Variants in COLEC10 observed in about 807,000 individuals in gnomAD.
The protein encoded by COLEC10 is collectin-10.
COLEC10 carries 22 observed loss-of-function variants against 28.4 expected under a neutral mutation model. The observed-to-expected ratio is 0.78, with a 90% CI of 0.55 to 1.11. The LOEUF is 1.11. Ranked by LOEUF, COLEC10 falls within the 50% of genes least tolerant of loss-of-function variation. The pLI, the probability that COLEC10 is intolerant of heterozygous loss-of-function variation, is 0.00. For missense variants in COLEC10, 361 were observed against 344.1 expected (o/e 1.05, Z -0.39); for synonymous variants, 125 against 116.1 (o/e 1.08, Z -0.49).
the COLEC10 span, among the ~76,000 whole-genome samples, chr8:118,961,025 T>G: frequency 6.6e-6 from 1 of 152,306 alleles, no homozygotes; most frequent in Middle Eastern, 3.4e-3. Context: ...GTAGGCATTA[T>G]CAACTTATAT....
At chr8:119,039,223 C>T (rs1469231975) in intron 2 of COLEC10, among the ~76,000 whole-genome samples, 2 of 152,056 alleles carry the variant, frequency 1.3e-5, no homozygotes, top group Non-Finnish European at 2.9e-5. Context: ...GCTTCAATTC[C>T]CAATCCCACC....
chr8:119,070,312 A>G (rs1815076810), intron 1 of COLEC10, among the ~76,000 whole-genome samples: 1 of 152,102 alleles, frequency 6.6e-6, no homozygotes, highest in Admixed American at 6.6e-5. Flanking sequence ...TTCTCTCCCT[A>G]TCTAAGTCTG....
At chr8:118,955,708 G>T in the COLEC10 span, among the ~76,000 whole-genome samples, 1 of 152,204 alleles carries the variant, frequency 6.6e-6, no homozygotes, top group Non-Finnish European at 1.5e-5. Context: ...GAGCCTTTGG[G>T]CAAGGAGGAC....
At chr8:119,023,084 C>G (rs1380993974) in intron 2 of COLEC10, among the ~76,000 whole-genome samples, 1 of 152,104 alleles carries the variant, frequency 6.6e-6, no homozygotes, top group African/African-American at 2.4e-5. Context: ...CAAGCCTTTG[C>G]TTAAATATTA....
chr8:118,985,842 A>T, the COLEC10 span, among the ~76,000 whole-genome samples: 227 of 152,190 alleles, frequency 1.5e-3, 3 homozygotes, highest in East Asian at 0.037. Context: ...GTGGTAAATA[A>T]GATTGTCAGG....
At chr8:118,955,290 ATG>A in the COLEC10 span, among the ~76,000 whole-genome samples, 2 of 152,200 alleles carry the variant, frequency 1.3e-5, no homozygotes, top group African/African-American at 4.8e-5. Context: ...TAAAATGTAT[ATG>A]TGGGTATGTC....
intron 2 of COLEC10, among the ~76,000 whole-genome samples, chr8:119,039,601 TA>T (rs1406155345): frequency 6.6e-6 from 1 of 152,178 alleles, no homozygotes; most frequent in Non-Finnish European, 1.5e-5. Flanking sequence ...AATTACCATA[TA>T]ATGGCAACAA....
intron 2 of COLEC10, among the ~76,000 whole-genome samples, chr8:119,052,921 G>A (rs1388689072): frequency 1.3e-5 from 2 of 152,042 alleles, no homozygotes; most frequent in African/African-American, 2.4e-5. Flanking sequence ...AAAGAGAGCC[G>A]GAGAGGAAGG....
At chr8:119,048,827 C>T (rs915928443) in intron 2 of COLEC10, among the ~76,000 whole-genome samples, 1 of 152,012 alleles carries the variant, frequency 6.6e-6, no homozygotes, top group Non-Finnish European at 1.5e-5. Flanking sequence ...GGGCATTTAG[C>T]CCATTTACAT....
chr8:119,070,480 T>TCCCCCC (rs1815089780), intron 1 of COLEC10, among the ~76,000 whole-genome samples: 1 of 50,688 alleles, frequency 2.0e-5, no homozygotes, highest in Non-Finnish European at 4.1e-5. Context: ...TCTCTCTCCT[T>TCCCCCC]CCCCCTCCTT....
chr8:118,998,631 GATCAAGACC>G (rs1563711903), intron 1 of COLEC10, among the ~76,000 whole-genome samples: 2 of 149,928 alleles, frequency 1.3e-5, no homozygotes, highest in East Asian at 3.9e-4. Flanking sequence ...GAGGTCAGGA[GATCAAGACC>G]ATCCTGGCTA....
Position 119,004,913 on chromosome 8 carries a change from A to G in COLEC10, n.123-4528A>G, listed in dbSNP as rs547744391. Among the ~76,000 whole-genome samples the G allele has an allele frequency of 6.6e-5, 10 of 152,122 alleles. No individual in the cohort carries two copies. The South Asian group carries it at 1.9e-3, about 28-fold the overall frequency. On this transcript the variant is annotated intron_variant and non_coding_transcript_variant, in intron 1 of 6. Coordinates refer to the COLEC10 transcript ENST00000521788. ...TCCTATCATCTTTCACCTCTTTGCTAAAAATGATCCTATTTATTGGTCTTT... is the reference window on the plus strand; with the variant it reads ...TCCTATCATCTTTCACCTCTTTGCTGAAAATGATCCTATTTATTGGTCTTT...
At chr8:118,996,634 C>A (rs1380698335) in intron 1 of COLEC10, among the ~76,000 whole-genome samples, 1 of 152,088 alleles carries the variant, frequency 6.6e-6, no homozygotes, top group Non-Finnish European at 1.5e-5. Context: ...TTTCATATAC[C>A]TGTTGGCCAT....
intron 2 of COLEC10, among the ~76,000 whole-genome samples, chr8:119,043,658 T>G (rs1038535775): frequency 7.2e-5 from 11 of 152,216 alleles, no homozygotes; most frequent in African/African-American, 2.7e-4. Flanking sequence ...TGTGGTTATT[T>G]TCTCATTTCA....
At chr8:119,045,720 A>AT (rs1188401063) in intron 2 of COLEC10, among the ~76,000 whole-genome samples, 1 of 152,232 alleles carries the variant, frequency 6.6e-6, no homozygotes. Context: ...CAGATGTGAT[A>AT]TTTTATACCT....
At chr8:119,076,966 T>A (rs770456729) in intron 1 of COLEC10, among the ~76,000 whole-genome samples, 12 of 152,176 alleles carry the variant, frequency 7.9e-5, no homozygotes, top group Non-Finnish European at 1.6e-4. Context: ...GGGACTTTGA[T>A]ACACCATAAA....
At chr8:118,956,285 A>G in the COLEC10 span, among the ~76,000 whole-genome samples, 1 of 152,224 alleles carries the variant, frequency 6.6e-6, no homozygotes, top group South Asian at 2.1e-4. Flanking sequence ...GGAACACAAC[A>G]TTCAGTCCAT....
intron 1 of COLEC10, among the ~76,000 whole-genome samples, chr8:119,008,652 A>G (rs1422969770): frequency 6.6e-6 from 1 of 150,468 alleles, no homozygotes; most frequent in Non-Finnish European, 1.5e-5. Context: ...CATGGAATAC[A>G]TTAAAGCAAT....
the COLEC10 span, among the ~76,000 whole-genome samples, chr8:118,965,632 A>G: frequency 6.6e-5 from 10 of 151,814 alleles, no homozygotes; most frequent in Non-Finnish European, 1.5e-4. Flanking sequence ...GTCTGCTTGG[A>G]GGAAGTGTGG....
Sources: gnomAD v4.1 joint callset for allele counts (sites outside exome capture counted in the v4.1 genomes callset) on GRCh38, gnomAD v4.1.1 for gene constraint, MANE v1.5 for transcripts, NCBI Gene and HGNC (gene_info 2026-07-23, HGNC 2026-07-21) for gene names.